Variants in OOEP observed in about 807,000 individuals in gnomAD.
OOEP encodes the protein oocyte-expressed protein homolog.
OOEP carries 16 observed loss-of-function variants against 13.7 expected under a neutral mutation model. That is an observed-to-expected ratio of 1.16 (90% CI 0.79 to 1.77). OOEP has a LOEUF of 1.77. Among genes scored for constraint, OOEP ranks in the 40% most tolerant of loss-of-function variants. OOEP has a pLI of 0.00. For synonymous variants in OOEP, 89 were observed against 77.1 expected, an observed-to-expected ratio of 1.15 and a Z score of -0.81; for missense variants, 195 against 193.1, an observed-to-expected ratio of 1.01 and a Z score of -0.06.
At chr6:73,376,996 A>C (rs190285994) in intron 2 of OOEP, among the ~76,000 whole-genome samples, 1 of 152,166 alleles carries the variant, frequency 6.6e-6, no homozygotes, top group Non-Finnish European at 1.5e-5. Context: ...AATTGTAAAA[A>C]AATTTATTGT....
chr6:73,385,153 T>C (rs1030612743), intron 2 of OOEP, among the ~76,000 whole-genome samples: 1 of 151,646 alleles, frequency 6.6e-6, no homozygotes, highest in Non-Finnish European at 1.5e-5. Context: ...GAGACCATCC[T>C]GGCTAACATG....
At chr6:73,373,262 A>G, upstream of OOEP, 1 of 1,609,240 alleles carries the variant, frequency 6.2e-7, no homozygotes, top group Non-Finnish European at 8.5e-7. Flanking sequence ...GTGAGAAGAC[A>G]TGGCGAGCAG....
chr6:73,385,295 A>G (rs1011032712), intron 2 of OOEP, among the ~76,000 whole-genome samples: 7 of 151,626 alleles, frequency 4.6e-5, no homozygotes, highest in Non-Finnish European at 8.8e-5. Context: ...GCAGTGAGCC[A>G]AGATTGCGCC....
intron 2 of OOEP, among the ~76,000 whole-genome samples, chr6:73,375,334 A>C (rs748333705): frequency 1.3e-5 from 2 of 152,116 alleles, no homozygotes; most frequent in Non-Finnish European, 2.9e-5. Context: ...CTGTAATCCC[A>C]GCACTGTGGG....
At chr6:73,369,528 C>T in intron 1 of OOEP, 75 bp downstream of exon 1, 1 of 1,530,410 alleles carries the variant, frequency 6.5e-7, no homozygotes, top group Non-Finnish European at 9.0e-7. Flanking sequence ...GGGAAAGAGA[C>T]TGTAGAGAGC....
chr6:73,378,796 G>A (rs1309648914), intron 2 of OOEP, among the ~76,000 whole-genome samples: 1 of 151,686 alleles, frequency 6.6e-6, no homozygotes, highest in African/African-American at 2.4e-5. Context: ...CCCAGGAGGT[G>A]GAGTTTAAAG....
intron 2 of OOEP, among the ~76,000 whole-genome samples, chr6:73,376,064 G>A (rs1311969033): frequency 6.6e-6 from 1 of 152,066 alleles, no homozygotes; most frequent in Non-Finnish European, 1.5e-5. Flanking sequence ...GATTACAGGT[G>A]TGAGCCACCG....
At position 73,369,670 on chromosome 6, in the gene OOEP, A is replaced by C. The variant is rs774908178; in HGVS notation, c.123T>G (p.Phe41Leu). Residue 41 changes from phenylalanine (F) to leucine (L), a missense_variant, in exon 1 of 3, where the codon TTT (phenylalanine) becomes TTG (leucine). Coordinates refer to ENST00000370359, the MANE Select transcript of OOEP (RefSeq NM_001080507.3). ...AAGGGTCTCTCAGTTCCTGCACCGGAAACCACCAGGGCCGGATGCGAATCT... is the reference window on the plus strand; with the variant it reads ...AAGGGTCTCTCAGTTCCTGCACCGGCAACCACCAGGGCCGGATGCGAATCT... ...PPQIRIRPWW[F>L]PVQELRDPLV... 1.2e-6 allele frequency: 2 copies of C among 1,614,044 alleles called. No homozygotes were observed. The highest frequency in any genetic ancestry group is 1.7e-6 in the Non-Finnish European group (2 of 1,179,886).
At chr6:73,387,127 T>A (rs984829363) in intron 2 of OOEP, among the ~76,000 whole-genome samples, 1 of 151,796 alleles carries the variant, frequency 6.6e-6, no homozygotes, top group African/African-American at 2.4e-5. Context: ...CATATATGTA[T>A]ATTTTAAACA....
rs1317734612 is a variant in OOEP at position 73,369,760 on chromosome 6, C to A, written c.33G>T (p.Gln11His). MVDDAGAAES[Q>H]RGKQTPAHSL... ...AGTGGGCCGGAGTCTGTTTGCCCCG[C>A]TGGGACTCAGCGGCACCAGCATCAT... Residue 11 changes from glutamine (Q) to histidine (H), a missense_variant, in exon 1 of 3, where the codon CAG becomes CAT. Transcript: ENST00000370359. 3.1e-6 allele frequency: 5 copies of A among 1,613,796 alleles called. No homozygotes were observed. Among genetic ancestry groups the A allele is most frequent in the Non-Finnish European group, 1.7e-6 (2 of 1,179,858 alleles).
intron 2 of OOEP, among the ~76,000 whole-genome samples, chr6:73,375,435 C>T (rs545867662): frequency 5.7e-4 from 87 of 151,874 alleles, no homozygotes; most frequent in African/African-American, 1.8e-3. Context: ...AAAATTAACC[C>T]GGTGTGGTGT....
At chr6:73,379,569 G>A (rs945120663) in intron 2 of OOEP, among the ~76,000 whole-genome samples, 2 of 147,676 alleles carry the variant, frequency 1.4e-5, no homozygotes, top group Non-Finnish European at 3.0e-5. Context: ...AACCCAGGAG[G>A]TGGAGGTTGC....
At chr6:73,373,489 C>T (rs1334443883), upstream of OOEP, among the ~76,000 whole-genome samples, 1 of 152,210 alleles carries the variant, frequency 6.6e-6, no homozygotes, top group Non-Finnish European at 1.5e-5. Flanking sequence ...AACTCCTGGG[C>T]TCAAGCAGTC....
At chr6:73,388,843 C>T (rs1413290133) in intron 2 of OOEP, among the ~76,000 whole-genome samples, 2 of 152,174 alleles carry the variant, frequency 1.3e-5, no homozygotes, top group African/African-American at 4.8e-5. Flanking sequence ...AAAATCAGCG[C>T]CTGCTGCTCC....
intron 2 of OOEP, among the ~76,000 whole-genome samples, chr6:73,383,039 CT>C (rs1769230017): frequency 6.6e-6 from 1 of 151,138 alleles, no homozygotes; most frequent in Non-Finnish European, 1.5e-5. Context: ...GGGTTTCCCC[CT>C]GTTGGCCAGG....
intron 2 of OOEP, among the ~76,000 whole-genome samples, chr6:73,377,432 A>ACG (rs1554233136): frequency 6.6e-6 from 1 of 152,028 alleles, no homozygotes; most frequent in Non-Finnish European, 1.5e-5. Flanking sequence ...TCATGCATGC[A>ACG]AGTCACCACA....
chr6:73,384,313 A>C (rs1018177910), intron 2 of OOEP, among the ~76,000 whole-genome samples: 1 of 152,166 alleles, frequency 6.6e-6, no homozygotes, highest in Non-Finnish European at 1.5e-5. Context: ...CATTTCCGAC[A>C]AAGAAAAGCT....
At chr6:73,388,150 T>C (rs951331831) in intron 2 of OOEP, among the ~76,000 whole-genome samples, 1 of 152,332 alleles carries the variant, frequency 6.6e-6, no homozygotes, top group Admixed American at 6.5e-5. Context: ...GTGCTGGGAT[T>C]ACAGGCGTGA....
chr6:73,373,759 T>C (rs893122233), upstream of OOEP, among the ~76,000 whole-genome samples: 28 of 151,492 alleles, frequency 1.8e-4, no homozygotes, highest in Non-Finnish European at 3.1e-4. Flanking sequence ...CCAGCTAATT[T>C]TGTATTTTTA....
Sources: allele counts gnomAD v4.1 joint callset (sites outside exome capture counted in the v4.1 genomes callset), GRCh38; gene constraint gnomAD v4.1.1; transcripts MANE v1.5; gene names NCBI Gene and HGNC (gene_info 2026-07-23, HGNC 2026-07-21).